TBKBP1: variants seen among roughly 807,000 people sequenced by gnomAD.
TBKBP1 encodes TBK1 binding protein 1.
TBKBP1 carries 47 observed loss-of-function variants against 69.9 expected under a neutral mutation model. That is an observed-to-expected ratio of 0.67 (90% CI 0.53 to 0.86). The LOEUF is 0.86. Ranked by LOEUF, TBKBP1 falls within the 40% of genes least tolerant of loss-of-function variation. The probability of loss-of-function intolerance (pLI) is 0.00; values close to 1 mark genes in which losing one functional copy is unlikely to be tolerated. For missense variants in TBKBP1, 831 were observed against 858.6 expected, an observed-to-expected ratio of 0.97 and a Z score of 0.40; for synonymous variants, 418 against 390.3, an observed-to-expected ratio of 1.07 and a Z score of -0.84.
intron 4 of TBKBP1, among the ~76,000 whole-genome samples, chr17:47,697,430 A>G (rs183591213): frequency 8.5e-5 from 13 of 152,280 alleles, no homozygotes; most frequent in African/African-American, 2.9e-4. Flanking sequence ...CATCCTGGCC[A>G]TGCAGTGGCC....
rs2031893257 is a variant in TBKBP1 at position 47,710,653 on chromosome 17, T to TCTCCGTCCTCTC, written c.*30_*41dup. 1 of 1,584,030 alleles carries TCTCCGTCCTCTC rather than the reference T, an allele frequency of 6.3e-7. No homozygotes were observed. The highest frequency in any genetic ancestry group is 8.6e-7 in the Non-Finnish European group (1 of 1,156,166). On this transcript the variant is annotated 3_prime_UTR_variant, in exon 10 of 10. Transcript: ENST00000578982. Reference sequence around the variant, plus strand: ...GCACCAGCCCCACCCACTGGCTGTTTCTCCGTCCTCTCCTATCACCCCCAA... The same window carrying TCTCCGTCCTCTC: ...GCACCAGCCCCACCCACTGGCTGTTTCTCCGTCCTCTCCTCCGTCCTCTCCTATCACCCCCAA...
chr17:47,708,769 CAGT>C lies in TBKBP1; in HGVS notation c.1037_1039del (p.Gln346_Cys347delinsArg). 1.8e-6 allele frequency: 2 copies of C among 1,107,146 alleles called. No individual in the cohort carries two copies. Among genetic ancestry groups the C allele is most frequent in the Non-Finnish European group, 2.6e-6 (2 of 781,862 alleles). The allele number at this position is 1,107,146 out of a possible 1,614,324, so 68.6% of individuals were successfully genotyped here. Reference sequence around the variant, plus strand: ...GTCACAACGCCACTCCCCGGCCCCCCAGTGCCCCTCCCCCTCCCCGCCTGCCCG... The same window carrying C: ...GTCACAACGCCACTCCCCGGCCCCCCGCCCCTCCCCCTCCCCGCCTGCCCG... On this transcript the variant is annotated inframe_deletion, in exon 9 of 10. Transcript: ENST00000578982. This position sits in a 1 kb window ranked among gnomAD's most constrained non-coding sequence, Gnocchi z 4.4.
At position 47,698,611 on chromosome 17, in the gene TBKBP1, C is replaced by A. The variant is rs202103128; in HGVS notation, c.470C>A (p.Thr157Lys). 1.3e-6 allele frequency: 2 copies of A among 1,594,138 alleles called. No individual in the cohort carries two copies. ...ELREMRALVE[T>K]HLRQICGLEQ... ...TCTCTCCAGAGGGCCCTGGTGGAGA[C>A]GCACCTGCGTCAGATCTGTGGTTTG... The change falls in exon 5 of 10, where the codon ACG becomes AAG. Residue 157 changes from threonine to lysine, a missense_variant. Transcript: ENST00000578982.
Position 47,696,209 on chromosome 17 carries a change from G to T in TBKBP1, c.97G>T (p.Gly33Trp), listed in dbSNP as rs2031230404. ...GGACAGTCCCGGAGACCCCTCGCTTGGGGGCGACATGTGCTCCGCCTCCCA... is the reference window on the plus strand; with the variant it reads ...GGACAGTCCCGGAGACCCCTCGCTTTGGGGCGACATGTGCTCCGCCTCCCA... Reference protein sequence around the residue: ...WLDSPGDPSLGGDMCSASHFA... With the variant: ...WLDSPGDPSLWGDMCSASHFA... The change falls in exon 2 of 10, where the codon GGG becomes TGG. Residue 33 changes from glycine to tryptophan, a missense_variant. Coordinates refer to ENST00000578982, the MANE Select transcript of TBKBP1 (RefSeq NM_001394755.1). 2.5e-6 allele frequency: 4 copies of T among 1,613,574 alleles called. No individual in the cohort carries two copies. In the Admixed American group the frequency reaches 5.0e-5, roughly 20 times the overall value.
intron 1 of TBKBP1, among the ~76,000 whole-genome samples, 151 bp downstream of exon 1, chr17:47,694,345 C>CTCA (rs1380755123): frequency 6.6e-6 from 1 of 151,674 alleles, no homozygotes; most frequent in African/African-American, 2.4e-5. Context: ...GTCGGCCGCC[C>CTCA]TCATCCCCTC....
At position 47,708,774 on chromosome 17, in the gene TBKBP1, C is replaced by A; in HGVS notation, c.1041C>A (p.Cys347Ter). Reference sequence around the variant, plus strand: ...AACGCCACTCCCCGGCCCCCCAGTGCCCCTCCCCCTCCCCGCCTGCCCGAG... The same window carrying A: ...AACGCCACTCCCCGGCCCCCCAGTGACCCTCCCCCTCCCCGCCTGCCCGAG... The part of the protein sequence containing the change: ...LSQRHSPAPQ[C>*]PSPSPPARAA... The change falls in exon 9 of 10, where the codon TGC (cysteine) becomes TGA (stop). Residue 347 changes from cysteine to a stop codon, truncating the protein, a stop_gained. Coordinates refer to ENST00000578982, the MANE Select transcript of TBKBP1 (RefSeq NM_001394755.1). LOFTEE classifies it high-confidence loss of function. The surrounding 1 kb of genome is among the most constrained non-coding windows in gnomAD (Gnocchi z 4.4). The A allele has an allele frequency of 3.4e-6, 2 of 588,746 alleles. No homozygotes were observed. Among genetic ancestry groups the A allele is most frequent in the Non-Finnish European group, 5.7e-6 (2 of 349,422 alleles). 36.5% of individuals were successfully genotyped at this position (588,746 alleles called of 1,614,324 possible). A position where few individuals can be genotyped will look rare whatever the true frequency, so the allele number is the denominator to read the frequency against.
At position 47,698,714 on chromosome 17, in the gene TBKBP1, T is replaced by G. The variant is rs112370610; in HGVS notation, c.573T>G (p.Pro191=). Residue 191 remains proline (P), a synonymous_variant, in exon 5 of 10, where the codon CCT becomes CCG. Transcript: ENST00000578982. The stretch of plus-strand genomic sequence containing the variant: ...TGAGCCCACCGCCAGCCCCCGCCCC[T>G]CCCTGCACTGATTTAGACCTGCACT... ...SNLSPPPAPA[P]PCTDLDLHYL... 3.5e-3 allele frequency: 5,571 copies of G among 1,583,240 alleles called. 155 individuals are homozygous for G. The African/African-American group carries it at 0.066, about 19-fold the overall frequency.
chr17:47,706,597 G>C (rs1034578674), intron 7 of TBKBP1, among the ~76,000 whole-genome samples: 2 of 152,284 alleles, frequency 1.3e-5, no homozygotes, highest in East Asian at 3.9e-4. Flanking sequence ...CCCTCCCTAA[G>C]AAGAGGGCTG....
At chr17:47,703,514 GC>G (rs935091268) in intron 7 of TBKBP1, among the ~76,000 whole-genome samples, 18 of 152,202 alleles carry the variant, frequency 1.2e-4, no homozygotes, top group African/African-American at 4.3e-4. Flanking sequence ...AGCCTCGGGG[GC>G]TCCCAGAGGC....
chr17:47,696,990 A>AGGGT, intron 3 of TBKBP1, 99 bp from the exon 4 acceptor site: 2 of 1,512,192 alleles, frequency 1.3e-6, no homozygotes, highest in Non-Finnish European at 1.8e-6. Context: ...GCCCCTCCAT[A>AGGGT]GGGTGCTGGG....
At chr17:47,702,573 C>G (rs955699233) in intron 7 of TBKBP1, among the ~76,000 whole-genome samples, 2 of 152,058 alleles carry the variant, frequency 1.3e-5, no homozygotes. Context: ...CCAGTTCCTT[C>G]CCTCCCAGCC....
chr17:47,702,218 C>T (rs934775436), intron 7 of TBKBP1, among the ~76,000 whole-genome samples: 1 of 152,182 alleles, frequency 6.6e-6, no homozygotes, highest in Non-Finnish European at 1.5e-5. Context: ...GCCCCTCTTT[C>T]TTCTGTTTCC....
At chr17:47,702,504 C>T (rs985463810) in intron 7 of TBKBP1, among the ~76,000 whole-genome samples, 8 of 152,028 alleles carry the variant, frequency 5.3e-5, no homozygotes, top group Non-Finnish European at 1.0e-4. Context: ...GGTTAACCGC[C>T]CCCACCCCCA....
In TBKBP1 at chr17:47,700,946, A is replaced by G. The variant is rs559271721; in HGVS notation, c.872+1249A>G. On this transcript the variant is annotated intron_variant, in intron 7 of 9. Transcript: ENST00000578982. ...CCCACTTTCTGAGAAATAGAGCTCA[A>G]ACCTCTTTCCGCCTAAGTCCTCTCC... Among the ~76,000 whole-genome samples the G allele has an allele frequency of 2.0e-5, 3 of 152,264 alleles. No homozygotes were observed. The East Asian group carries it at 5.8e-4, about 29-fold the overall frequency.
chr17:47,709,576 T>C, intron 9 of TBKBP1, 124 bp downstream of exon 9: 3 of 1,334,080 alleles, frequency 2.2e-6, no homozygotes, highest in Non-Finnish European at 2.9e-6. Context: ...TTCACCCTCC[T>C]TGGACCCCGG....
At chr17:47,697,027 TCTCCAA>T in intron 3 of TBKBP1, 56 bp from the exon 4 acceptor site, 1 of 1,546,780 alleles carries the variant, frequency 6.5e-7, no homozygotes, top group African/African-American at 1.4e-5. Context: ...TGCAGGGAGC[TCTCCAA>T]CTCCAAGTCC....
At chr17:47,696,057 A>ACGGTTGCTCCTGCTCTCCTAGGAGGCCC in intron 1 of TBKBP1, 22 bp from the exon 2 acceptor site, 1 of 1,413,678 alleles carries the variant, frequency 7.1e-7, no homozygotes, top group Non-Finnish European at 9.6e-7. Flanking sequence ...GGCCCTGTCC[A>ACGGTTGCTCCTGCTCTCCTAGGAGGCCC]CGGTTGCTCC....
chr17:47,711,511 G>A lies in TBKBP1; in HGVS notation c.*885G>A, dbSNP rs898703293. On this transcript the variant is annotated 3_prime_UTR_variant, in exon 10 of 10. Coordinates refer to ENST00000578982, the MANE Select transcript of TBKBP1 (RefSeq NM_001394755.1). ...TTGTGTGACTCAGCCTCTGTTAGCT[G>A]GGTGGGTGTCATCAGCCCCTGCCTC... The A allele has an allele frequency of 1.3e-5, 2 of 152,628 alleles. No homozygotes were observed. The highest frequency in any genetic ancestry group is 4.8e-5 in the African/African-American group (2 of 41,428). 9.5% of individuals were successfully genotyped at this position (152,628 alleles called of 1,614,324 possible). A position where few individuals can be genotyped will look rare whatever the true frequency, so the allele number is the denominator to read the frequency against.
At chr17:47,700,074 G>A (rs539255284) in intron 7 of TBKBP1, among the ~76,000 whole-genome samples, 1 of 149,376 alleles carries the variant, frequency 6.7e-6, no homozygotes, top group African/African-American at 2.5e-5. Flanking sequence ...TGCAAGCTCC[G>A]CGTCCTGGTT....
Sources: allele counts gnomAD v4.1 joint callset (sites outside exome capture counted in the v4.1 genomes callset), GRCh38; gene constraint gnomAD v4.1.1; non-coding constraint Gnocchi (gnomAD v3.1); transcripts MANE v1.5; gene names NCBI Gene and HGNC (gene_info 2026-07-23, HGNC 2026-07-21).